Variants in CRACD observed in about 807,000 individuals in gnomAD.
The protein encoded by CRACD is capping protein-inhibiting regulator of actin dynamics.
CRACD carries 56 observed loss-of-function variants against 106.8 expected under a neutral mutation model. The observed-to-expected ratio is 0.52, with a 90% CI of 0.42 to 0.66. CRACD has a LOEUF of 0.66. Among genes scored for constraint, CRACD ranks in the 30% least tolerant of loss-of-function variants. The probability of loss-of-function intolerance (pLI) is 0.00; values close to 1 mark genes in which losing one functional copy is unlikely to be tolerated. For synonymous variants in CRACD, 754 were observed against 670.8 expected, an observed-to-expected ratio of 1.12 and a Z score of -1.92; for missense variants, 1,730 against 1,623.2, an observed-to-expected ratio of 1.07 and a Z score of -1.13.
intron 2 of CRACD, among the ~76,000 whole-genome samples, chr4:56,241,138 A>C (rs1014819328): frequency 2.0e-5 from 3 of 152,044 alleles, no homozygotes; most frequent in Non-Finnish European, 2.9e-5. Context: ...TGCTCATGAA[A>C]TTTTCCTTAG....
intron 2 of CRACD, among the ~76,000 whole-genome samples, chr4:56,270,603 TTC>T (rs1432278193): frequency 6.6e-6 from 1 of 152,136 alleles, no homozygotes; most frequent in Admixed American, 6.5e-5. Flanking sequence ...CTCTCAAAAC[TTC>T]TTACTCCCTG....
intron 8 of CRACD, among the ~76,000 whole-genome samples, chr4:56,321,956 C>T (rs1162972864): frequency 1.3e-5 from 2 of 152,170 alleles, no homozygotes; most frequent in South Asian, 4.1e-4. Flanking sequence ...CATCACTGCT[C>T]TTTCTTTTCA....
At chr4:56,217,874 A>G (rs961481298) in intron 2 of CRACD, among the ~76,000 whole-genome samples, 4 of 152,146 alleles carry the variant, frequency 2.6e-5, no homozygotes, top group Admixed American at 6.5e-5. Context: ...TTGTTTTACA[A>G]TTGTGTCACA....
chr4:56,251,574 A>T (rs143677889), intron 2 of CRACD, among the ~76,000 whole-genome samples: 412 of 152,348 alleles, frequency 2.7e-3, no homozygotes, highest in Non-Finnish European at 4.9e-3. Context: ...AGTGGCCACT[A>T]AGGCTCATGT....
chr4:56,323,332 G>A (rs2292985), intron 8 of CRACD, 45 bp from the exon 9 acceptor site: 928,489 of 1,527,438 alleles, frequency 0.61, 284,949 homozygotes, highest in Admixed American at 0.7. Context: ...AGGTAAGTCC[G>A]CAGTTAAGTT....
intron 2 of CRACD, among the ~76,000 whole-genome samples, chr4:56,190,087 G>A (rs1737302202): frequency 6.7e-6 from 1 of 149,280 alleles, no homozygotes; most frequent in South Asian, 2.1e-4. Flanking sequence ...TTTTGTTCTT[G>A]CGATAGTTTG....
chr4:56,056,836 G>C (rs1732088807), intron 1 of CRACD, among the ~76,000 whole-genome samples: 1 of 152,188 alleles, frequency 6.6e-6, no homozygotes, highest in Non-Finnish European at 1.5e-5. Flanking sequence ...ACTTTAGGAG[G>C]CTGAGGCAGG....
intron 1 of CRACD, among the ~76,000 whole-genome samples, chr4:56,137,368 T>A (rs555585235): frequency 1.1e-4 from 17 of 152,174 alleles, no homozygotes; most frequent in Admixed American, 1.1e-3. Context: ...AACATTGTTA[T>A]GCGGCTCATG....
At chr4:56,146,915 G>T (rs903166119) in intron 1 of CRACD, among the ~76,000 whole-genome samples, 11 of 152,192 alleles carry the variant, frequency 7.2e-5, no homozygotes, top group African/African-American at 2.7e-4. Context: ...GAATGGCTGG[G>T]CTGGAGACTC....
chr4:56,206,757 T>C (rs188317700), intron 2 of CRACD, among the ~76,000 whole-genome samples: 134 of 152,296 alleles, frequency 8.8e-4, no homozygotes, highest in African/African-American at 3.2e-3. Flanking sequence ...TTTGGTCACG[T>C]TGTCCCTTAG....
In CRACD at chr4:56,323,369, C is replaced by G; in HGVS notation, c.3188-8C>G. 1.9e-6 allele frequency: 3 copies of G among 1,589,624 alleles called. No individual in the cohort carries two copies. Among genetic ancestry groups the G allele is most frequent in the South Asian group, 2.3e-5 (2 of 86,192 alleles). On this transcript the variant is annotated splice_polypyrimidine_tract_variant and splice_region_variant and intron_variant, in intron 8 of 10. Transcript: ENST00000682029. ...ATTGCAAACCGTTCTTTGTCTTATT[C>G]CCCACAGAGAAGCCGATGCTTCAGA...
intron 2 of CRACD, among the ~76,000 whole-genome samples, chr4:56,262,522 T>C (rs1741766861): frequency 6.6e-6 from 1 of 152,212 alleles, no homozygotes; most frequent in South Asian, 2.1e-4. Context: ...TTTGTGATTT[T>C]TTTTTATAGC....
chr4:56,106,771 A>G (rs1733960062), intron 1 of CRACD, among the ~76,000 whole-genome samples: 1 of 152,206 alleles, frequency 6.6e-6, no homozygotes, highest in Non-Finnish European at 1.5e-5. Context: ...AATGAACACC[A>G]TTGAGCTGTG....
chr4:56,211,924 TG>T (rs1738428753), intron 2 of CRACD, among the ~76,000 whole-genome samples: 1 of 152,022 alleles, frequency 6.6e-6, no homozygotes, highest in Non-Finnish European at 1.5e-5. Flanking sequence ...GGCCTGGAGG[TG>T]GGGTTTCACT....
At chr4:56,068,160 TGGTC>T (rs1233869417) in intron 1 of CRACD, among the ~76,000 whole-genome samples, 1 of 151,988 alleles carries the variant, frequency 6.6e-6, no homozygotes, top group African/African-American at 2.4e-5. Context: ...TTGGATAGGA[TGGTC>T]AGGAACAGCG....
chr4:56,238,016 A>G (rs1249761012), intron 2 of CRACD, among the ~76,000 whole-genome samples: 2 of 152,162 alleles, frequency 1.3e-5, no homozygotes, highest in African/African-American at 4.8e-5. Flanking sequence ...ATCCATCCAG[A>G]TATATAAATA....
At chr4:56,179,730 G>T (rs1271069249) in intron 2 of CRACD, among the ~76,000 whole-genome samples, 1 of 152,126 alleles carries the variant, frequency 6.6e-6, no homozygotes, top group South Asian at 2.1e-4. Context: ...CAAAAATGTG[G>T]TTATCACCCG....
At chr4:56,265,610 G>A (rs1016639482) in intron 2 of CRACD, among the ~76,000 whole-genome samples, 3 of 152,168 alleles carry the variant, frequency 2.0e-5, no homozygotes, top group Non-Finnish European at 4.4e-5. Context: ...AGTTTAGGAA[G>A]CCCTGCATAT....
chr4:56,169,357 T>A (rs1736269807), intron 1 of CRACD, among the ~76,000 whole-genome samples: 2 of 152,122 alleles, frequency 1.3e-5, no homozygotes, highest in Admixed American at 1.3e-4. Context: ...GAGCTTTGAG[T>A]TTCTAGCATT....
Sources: gnomAD v4.1 joint callset for allele counts (sites outside exome capture counted in the v4.1 genomes callset) on GRCh38, gnomAD v4.1.1 for gene constraint, MANE v1.5 for transcripts, NCBI Gene and HGNC (gene_info 2026-07-23, HGNC 2026-07-21) for gene names.